FAF1: variants seen among roughly 807,000 people sequenced by gnomAD.
The protein encoded by FAF1 is Fas associated factor 1, also known as FAS-associated factor 1.
FAF1 carries 25 observed loss-of-function variants against 92.5 expected under a neutral mutation model. The ratio of observed to expected loss-of-function variants is 0.27; its 90% confidence interval spans 0.20 to 0.38. FAF1 has a LOEUF of 0.38. FAF1 is among the 10% of genes least tolerant of loss of function. The pLI is 1.00. For synonymous variants in FAF1, 234 were observed against 273.2 expected (o/e 0.86, Z 1.42); for missense variants, 636 against 793.3 (o/e 0.80, Z 2.38).
chr1:50,842,935 T>C (rs1644267418), intron 2 of FAF1, among the ~76,000 whole-genome samples: 1 of 152,200 alleles, frequency 6.6e-6, no homozygotes, highest in Non-Finnish European at 1.5e-5. Flanking sequence ...ATTTTCTTTG[T>C]CTTGTTCACT....
At chr1:50,576,490 T>A (rs1161054712) in intron 12 of FAF1, among the ~76,000 whole-genome samples, 1 of 152,122 alleles carries the variant, frequency 6.6e-6, no homozygotes, top group East Asian at 1.9e-4. Flanking sequence ...CCATTGAGAT[T>A]TTTATTCCTG....
chr1:50,901,167 TA>T, intron 1 of FAF1, among the ~76,000 whole-genome samples: 1 of 152,278 alleles, frequency 6.6e-6, no homozygotes, highest in East Asian at 1.9e-4. Context: ...TACTTCCTCT[TA>T]AAAAATATAA....
intron 6 of FAF1, among the ~76,000 whole-genome samples, chr1:50,716,756 A>G (rs1658192830): frequency 6.6e-6 from 1 of 152,210 alleles, no homozygotes; most frequent in Non-Finnish European, 1.5e-5. Flanking sequence ...AGGACTGTAA[A>G]TGCACCAATC....
At chr1:50,959,064 TC>T (rs1284985586) in intron 1 of FAF1, among the ~76,000 whole-genome samples, 1 of 152,210 alleles carries the variant, frequency 6.6e-6, no homozygotes, top group Non-Finnish European at 1.5e-5. Context: ...CCTTTACTTA[TC>T]CTTTAAAGTA....
chr1:50,544,853 T>G (rs1648934938), intron 13 of FAF1, among the ~76,000 whole-genome samples: 1 of 152,144 alleles, frequency 6.6e-6, no homozygotes, highest in Non-Finnish European at 1.5e-5. Flanking sequence ...AATATTTATC[T>G]CAGGGAAGAG....
At chr1:50,587,628 T>C (rs1244101038) in intron 9 of FAF1, among the ~76,000 whole-genome samples, 1 of 152,230 alleles carries the variant, frequency 6.6e-6, no homozygotes, top group Non-Finnish European at 1.5e-5. Context: ...TAAAAACAGC[T>C]AAAAAATTAG....
intron 6 of FAF1, among the ~76,000 whole-genome samples, chr1:50,716,011 ATG>A (rs1169459297): frequency 1.3e-5 from 2 of 152,216 alleles, no homozygotes; most frequent in African/African-American, 2.4e-5. Context: ...GACTGAGTTT[ATG>A]TCTCATTCAG....
intron 13 of FAF1, among the ~76,000 whole-genome samples, chr1:50,542,874 T>C (rs1336414041): frequency 6.6e-6 from 1 of 152,140 alleles, no homozygotes; most frequent in South Asian, 2.1e-4. Flanking sequence ...AAGGGAATGA[T>C]ACAAGGGAAG....
Position 50,447,326 on chromosome 1 carries a change from C to T in FAF1, c.1870-5803G>A, listed in dbSNP as rs187943021. On this transcript the variant is annotated intron_variant, in intron 18 of 18. Coordinates refer to ENST00000396153, the MANE Select transcript of FAF1 (RefSeq NM_007051.3). ...ATTTTTAGTAGAGACGGGGTTTCAC[C>T]GTGTTAGCCAGGATGGTCTCGATCT... 6.7e-3 allele frequency among the ~76,000 whole-genome samples: 1,024 copies of T among 152,002 alleles called. 15 individuals carry two copies. Among genetic ancestry groups the T allele is most frequent in the African/African-American group, 0.023 (945 of 41,450 alleles).
chr1:50,688,769 G>A (rs542850438), intron 7 of FAF1, among the ~76,000 whole-genome samples: 2 of 152,202 alleles, frequency 1.3e-5, no homozygotes, highest in South Asian at 2.1e-4. Flanking sequence ...CCGAGATCGC[G>A]CCATTGCACT....
intron 13 of FAF1, among the ~76,000 whole-genome samples, chr1:50,557,150 C>T (rs1431554223): frequency 6.6e-6 from 1 of 152,110 alleles, no homozygotes; most frequent in African/African-American, 2.4e-5. Context: ...CTCATTCCTT[C>T]CTTAGCTGAG....
intron 12 of FAF1, among the ~76,000 whole-genome samples, chr1:50,569,621 G>A (rs1414291482): frequency 1.3e-5 from 2 of 152,060 alleles, no homozygotes; most frequent in Non-Finnish European, 1.5e-5. Flanking sequence ...GAGACAGTGG[G>A]AAAAAGAGAG....
At chr1:50,639,933 CAAAAA>C (rs1197342810) in intron 8 of FAF1, among the ~76,000 whole-genome samples, 1 of 70,162 alleles carries the variant, frequency 1.4e-5, no homozygotes, top group African/African-American at 4.7e-5. Flanking sequence ...GACTCGATCT[CAAAAA>C]AAAAAAAAAA....
At chr1:50,496,650 G>C (rs1159896822) in intron 15 of FAF1, among the ~76,000 whole-genome samples, 1 of 152,160 alleles carries the variant, frequency 6.6e-6, no homozygotes, top group Non-Finnish European at 1.5e-5. Flanking sequence ...CCTAGCACCT[G>C]GGAGGCCAAG....
chr1:50,725,487 G>T (rs189957147), intron 6 of FAF1, among the ~76,000 whole-genome samples: 1 of 152,094 alleles, frequency 6.6e-6, no homozygotes, highest in Non-Finnish European at 1.5e-5. Context: ...ACAGAGTCTC[G>T]CTCTGTTGCC....
At chr1:50,701,402 C>CAA (rs34415491) in intron 7 of FAF1, among the ~76,000 whole-genome samples, 3 of 151,338 alleles carry the variant, frequency 2.0e-5, no homozygotes, top group African/African-American at 4.8e-5. Flanking sequence ...ACAAACAAAC[C>CAA]AAAAAAAACA....
intron 8 of FAF1, among the ~76,000 whole-genome samples, chr1:50,629,029 A>G (rs180898815): frequency 6.6e-6 from 1 of 152,312 alleles, no homozygotes. Context: ...GGAAGGTTAA[A>G]TGAGTTATTA....
chr1:50,583,593 G>T lies in FAF1; in HGVS notation c.1031+59C>A. The T allele has an allele frequency of 9.2e-7, 1 of 1,083,712 alleles. No homozygotes were observed. The highest frequency in any genetic ancestry group is 1.3e-6 in the Non-Finnish European group (1 of 762,678). The allele number at this position is 1,083,712 out of a possible 1,614,324, so 67.1% of individuals were successfully genotyped here. A position where few individuals can be genotyped will look rare whatever the true frequency, so the allele number is the denominator to read the frequency against. The stretch of plus-strand genomic sequence containing the variant: ...ACAATCTATAATTAAAATTGCCCAA[G>T]AAAAATCACAGTAGCATAAAACAGC... On this transcript the variant is annotated intron_variant, in intron 11 of 18. Coordinates refer to ENST00000396153, the MANE Select transcript of FAF1 (RefSeq NM_007051.3). This position sits in a 1 kb window ranked among gnomAD's most constrained non-coding sequence, Gnocchi z 4.2.
At chr1:50,738,269 C>G (rs1569861019) in intron 6 of FAF1, among the ~76,000 whole-genome samples, 1 of 151,908 alleles carries the variant, frequency 6.6e-6, no homozygotes, top group African/African-American at 2.4e-5. Context: ...CATGGAGAAA[C>G]CCCATCTCTA....
Sources: allele counts gnomAD v4.1 joint callset (sites outside exome capture counted in the v4.1 genomes callset), GRCh38; gene constraint gnomAD v4.1.1; non-coding constraint Gnocchi (gnomAD v3.1); transcripts MANE v1.5; gene names NCBI Gene and HGNC (gene_info 2026-07-23, HGNC 2026-07-21).